Variants in PAG1 observed in about 807,000 individuals in gnomAD.
PAG1 encodes the protein phosphoprotein membrane anchor with glycosphingolipid microdomains 1, also known as phosphoprotein associated with glycosphingolipid-enriched microdomains 1.
PAG1 carries 23 observed loss-of-function variants against 31.7 expected under a neutral mutation model. The ratio of observed to expected loss-of-function variants is 0.73; its 90% CI spans 0.52 to 1.03. PAG1 has a LOEUF of 1.03. Among genes scored for constraint, PAG1 ranks in the 50% least tolerant of loss-of-function variants. The probability of loss-of-function intolerance (pLI) is 0.00; values close to 1 mark genes in which losing one functional copy is unlikely to be tolerated. For missense variants in PAG1, 473 were observed against 540.7 expected, an observed-to-expected ratio of 0.87 and a Z score of 1.24; for synonymous variants, 214 against 210.3, an observed-to-expected ratio of 1.02 and a Z score of -0.15.
At chr8:81,024,974 T>C (rs1808250138) in intron 3 of PAG1, among the ~76,000 whole-genome samples, 1 of 152,198 alleles carries the variant, frequency 6.6e-6, no homozygotes, top group Non-Finnish European at 1.5e-5. Flanking sequence ...CACCAGCTTA[T>C]AAGGATGAAA....
At chr8:81,090,598 T>C (rs930948934) in intron 1 of PAG1, among the ~76,000 whole-genome samples, 15 of 152,140 alleles carry the variant, frequency 9.9e-5, no homozygotes, top group Non-Finnish European at 2.1e-4. Context: ...ATAGAGCACA[T>C]GGGAATGCAA....
At chr8:81,111,243 G>T (rs934559304) in intron 1 of PAG1, among the ~76,000 whole-genome samples, 1 of 152,160 alleles carries the variant, frequency 6.6e-6, no homozygotes, top group South Asian at 2.1e-4. Flanking sequence ...ACTCCCCAGA[G>T]GAATTAGGAT....
At chr8:81,097,399 T>C (rs1383897746) in intron 1 of PAG1, among the ~76,000 whole-genome samples, 2 of 152,168 alleles carry the variant, frequency 1.3e-5, no homozygotes, top group Non-Finnish European at 2.9e-5. Flanking sequence ...AGAAGGAATG[T>C]GTGCAAACTC....
intron 3 of PAG1, among the ~76,000 whole-genome samples, chr8:81,006,279 C>T (rs1807876190): frequency 6.6e-6 from 1 of 152,172 alleles, no homozygotes; most frequent in African/African-American, 2.4e-5. Flanking sequence ...CTAAGTGATT[C>T]CCAAGTAGGT....
intron 3 of PAG1, among the ~76,000 whole-genome samples, chr8:81,004,285 G>T (rs114425651): frequency 6.6e-6 from 1 of 152,216 alleles, no homozygotes; most frequent in African/African-American, 2.4e-5. Context: ...CTAATCTCAG[G>T]ACTTGATAAG....
At position 80,976,296 on chromosome 8, in the gene PAG1, G is replaced by A. The variant is rs1023828561; in HGVS notation, c.*248C>T. 1 of 442,788 alleles carries A rather than the reference G, an allele frequency of 2.3e-6. No homozygotes were observed. The highest frequency in any genetic ancestry group is 4.0e-6 in the Non-Finnish European group (1 of 248,186). 27.4% of individuals were successfully genotyped at this position (442,788 alleles called of 1,614,324 possible). On this transcript the variant is annotated 3_prime_UTR_variant, in exon 9 of 9. Coordinates refer to ENST00000220597, the MANE Select transcript of PAG1 (RefSeq NM_018440.4). ...GGGATCTTTTGTGGGTGGTGAGGGT[G>A]CAGCAGGGAGATGTGCTTGGGTGTA... is the stretch of plus-strand genomic sequence containing the variant.
intron 2 of PAG1, among the ~76,000 whole-genome samples, chr8:81,039,158 T>C (rs535967964): frequency 2.0e-5 from 3 of 152,308 alleles, no homozygotes; most frequent in Admixed American, 2.0e-4. Context: ...TGTGTGTGCA[T>C]GTGCCTATGT....
intron 2 of PAG1, among the ~76,000 whole-genome samples, chr8:81,034,821 G>T (rs1808436798): frequency 2.0e-5 from 3 of 152,252 alleles, no homozygotes; most frequent in South Asian, 4.1e-4. Context: ...CTATTCCAAA[G>T]AATACGATTT....
At chr8:81,109,917 A>C (rs977604876) in intron 1 of PAG1, among the ~76,000 whole-genome samples, 1 of 152,210 alleles carries the variant, frequency 6.6e-6, no homozygotes, top group Non-Finnish European at 1.5e-5. Context: ...TTAATGGGTC[A>C]ATCTGTTTGA....
At chr8:80,993,718 A>AC (rs756485326) in intron 3 of PAG1, among the ~76,000 whole-genome samples, 14 of 143,216 alleles carry the variant, frequency 9.8e-5, no homozygotes, top group Non-Finnish European at 1.7e-4. Flanking sequence ...CTCCTGAACC[A>AC]CCCCCCTGCC....
intron 2 of PAG1, among the ~76,000 whole-genome samples, chr8:81,051,701 T>C (rs894007856): frequency 6.6e-6 from 1 of 152,264 alleles, no homozygotes; most frequent in East Asian, 1.9e-4. Context: ...TGTACTCTGA[T>C]GTTTCCTTTG....
Position 80,985,100 on chromosome 8 carries a change from C to T in PAG1, c.552G>A (p.Val184=), listed in dbSNP as rs770307112. 1.9e-6 allele frequency: 3 copies of T among 1,614,004 alleles called. No individual in the cohort carries two copies. Among genetic ancestry groups the T allele is most frequent in the Non-Finnish European group, 2.5e-6 (3 of 1,180,034 alleles). ...CTGCAGCCACCTCCTTGATCTCTTT[C>T]ACAGTTTCATACAAGCAGTCCTCCA... The part of the protein sequence containing the change: ...NMVEDCLYET[V]KEIKEVAAAA... The change falls in exon 7 of 9, where the codon GTG becomes GTA. Residue 184 remains valine (V), a synonymous_variant. Coordinates refer to ENST00000220597, the MANE Select transcript of PAG1 (RefSeq NM_018440.4).
At chr8:81,066,975 A>G (rs1268720722) in intron 2 of PAG1, among the ~76,000 whole-genome samples, 1 of 152,152 alleles carries the variant, frequency 6.6e-6, no homozygotes, top group Non-Finnish European at 1.5e-5. Context: ...AGCCTGGGCA[A>G]TATGGTGAGA....
rs1363084216 is a variant in PAG1 at position 81,065,670 on chromosome 8, G to A, written c.-175+4442C>T. Reference sequence around the variant, plus strand: ...ATTAGAAGCATTTTTCAACCATAGGGAAAAAAATCAGTTAATGTTGAGGGA... The same window carrying A: ...ATTAGAAGCATTTTTCAACCATAGGAAAAAAAATCAGTTAATGTTGAGGGA... On this transcript the variant is annotated intron_variant, in intron 2 of 8. Coordinates refer to ENST00000220597, the MANE Select transcript of PAG1 (RefSeq NM_018440.4). Among the ~76,000 whole-genome samples the A allele has an allele frequency of 1.3e-5, 2 of 150,032 alleles. 1 individual carries two copies. Among genetic ancestry groups the A allele is most frequent in the South Asian group, 4.2e-4 (2 of 4,818 alleles).
At chr8:81,062,225 CTT>C (rs1808930396) in intron 2 of PAG1, among the ~76,000 whole-genome samples, 1 of 152,216 alleles carries the variant, frequency 6.6e-6, no homozygotes, top group Non-Finnish European at 1.5e-5. Flanking sequence ...AGGAGGCAAA[CTT>C]AACTCTGTAA....
chr8:81,014,564 T>A lies in PAG1; in HGVS notation c.-81+15432A>T, dbSNP rs1482850600. On this transcript the variant is annotated intron_variant, in intron 3 of 8. Transcript: ENST00000220597. Reference sequence around the variant, plus strand: ...TTAATTAATTTATATTTGTTTTTCTTTTCTAATGACATAAATCGTTGGGGA... The same window carrying A: ...TTAATTAATTTATATTTGTTTTTCTATTCTAATGACATAAATCGTTGGGGA... Among the ~76,000 whole-genome samples, 4 of 152,228 alleles carry A rather than the reference T, an allele frequency of 2.6e-5. No individual in the cohort carries two copies. The East Asian group carries it at 7.7e-4, about 29-fold the overall frequency.
rs1371342459 is a variant in PAG1 at position 80,971,712 on chromosome 8, C to A, written c.*4832G>T. On this transcript the variant is annotated 3_prime_UTR_variant, in exon 9 of 9. Coordinates refer to ENST00000220597, the MANE Select transcript of PAG1 (RefSeq NM_018440.4). ...TAAGCAAAAATTGTATTTCTCTTTT[C>A]ATGTTACATTAAGAATTTGGAATAT... 6.6e-6 allele frequency: 1 copy of A among 151,996 alleles called. No homozygotes were observed. The highest frequency in any genetic ancestry group is 1.9e-4 in the East Asian group (1 of 5,204). The allele number at this position is 151,996 out of a possible 1,614,324, so 9.4% of individuals were successfully genotyped here.
In PAG1 at chr8:81,014,708, A is replaced by G. The variant is rs1178774276; in HGVS notation, c.-81+15288T>C. Among the ~76,000 whole-genome samples the G allele has an allele frequency of 3.3e-5, 5 of 152,284 alleles. No individual in the cohort carries two copies. The East Asian group carries it at 9.6e-4, about 29-fold the overall frequency. On this transcript the variant is annotated intron_variant, in intron 3 of 8. Coordinates refer to ENST00000220597, the MANE Select transcript of PAG1 (RefSeq NM_018440.4). ...AAGGAAGGAGGCTTGTAGCTTCAGA[A>G]GCTTCCCCTGTCACTCAGAGAGGAA... is the stretch of plus-strand genomic sequence containing the variant.
intron 8 of PAG1, 46 bp from the exon 9 acceptor site, chr8:80,976,952 C>T (rs200584642): frequency 1.6e-4 from 250 of 1,544,726 alleles, no homozygotes; most frequent in Non-Finnish European, 2.1e-4. Context: ...CTGTGACTTC[C>T]CCCTCCCTCT....
Sources: gnomAD v4.1 joint callset for allele counts (sites outside exome capture counted in the v4.1 genomes callset) on GRCh38, gnomAD v4.1.1 for gene constraint, MANE v1.5 for transcripts, NCBI Gene and HGNC (gene_info 2026-07-23, HGNC 2026-07-21) for gene names.